Variants in RAPGEF4 observed in about 807,000 individuals in gnomAD.
RAPGEF4 encodes the protein Rap guanine nucleotide exchange factor 4.
In RAPGEF4, 66 loss-of-function variants were observed where a neutral mutation model predicts 147.9. The observed-to-expected ratio is 0.45, with a 90% CI of 0.37 to 0.55. The LOEUF is 0.55. Among genes scored for constraint, RAPGEF4 ranks in the 20% least tolerant of loss-of-function variants. The pLI is 0.00. For missense variants in RAPGEF4, 1,071 were observed against 1,257.3 expected, an observed-to-expected ratio of 0.85 and a Z score of 2.24; for synonymous variants, 419 against 442.7, an observed-to-expected ratio of 0.95 and a Z score of 0.67.
At chr2:172,922,636 G>A (rs1045561456) in intron 6 of RAPGEF4, among the ~76,000 whole-genome samples, 4 of 152,198 alleles carry the variant, frequency 2.6e-5, no homozygotes, top group Admixed American at 2.0e-4. Context: ...TAGAAAACTA[G>A]TTGTTTTTCC....
chr2:172,934,619 G>A (rs1437244203), intron 6 of RAPGEF4, among the ~76,000 whole-genome samples: 1 of 152,050 alleles, frequency 6.6e-6, no homozygotes, highest in East Asian at 1.9e-4. Flanking sequence ...ATTTCAGAAT[G>A]TGGTACTGAG....
intron 4 of RAPGEF4, among the ~76,000 whole-genome samples, chr2:172,886,655 T>C (rs1255547714): frequency 6.6e-6 from 1 of 152,036 alleles, no homozygotes; most frequent in Non-Finnish European, 1.5e-5. Flanking sequence ...CTTTTAGCTC[T>C]TTATCACACA....
chr2:173,043,462 G>T (rs1437435425), intron 29 of RAPGEF4, among the ~76,000 whole-genome samples: 1 of 152,200 alleles, frequency 6.6e-6, no homozygotes, highest in Non-Finnish European at 1.5e-5. Flanking sequence ...GTCTGGGAGC[G>T]GGAGGTCCTA....
At chr2:172,840,336 G>A (rs1198142175) in intron 4 of RAPGEF4, among the ~76,000 whole-genome samples, 1 of 152,202 alleles carries the variant, frequency 6.6e-6, no homozygotes. Flanking sequence ...TCTGGAAGGC[G>A]AAGAAGGAGT....
intron 4 of RAPGEF4, among the ~76,000 whole-genome samples, chr2:172,854,062 A>G (rs1282865932): frequency 3.3e-5 from 5 of 151,996 alleles, no homozygotes; most frequent in Non-Finnish European, 7.4e-5. Context: ...AAGAATGTGC[A>G]TTCTGCAGCT....
At chr2:172,818,874 G>T (rs557305693) in intron 4 of RAPGEF4, among the ~76,000 whole-genome samples, 2 of 152,074 alleles carry the variant, frequency 1.3e-5, no homozygotes, top group Non-Finnish European at 2.9e-5. Flanking sequence ...AGAACCACAC[G>T]TAAGGTTTTG....
intron 29 of RAPGEF4, among the ~76,000 whole-genome samples, chr2:173,044,589 G>T (rs1685210321): frequency 6.6e-6 from 1 of 152,154 alleles, no homozygotes; most frequent in Non-Finnish European, 1.5e-5. Flanking sequence ...TTTCAGTTGG[G>T]CCCATCTCTA....
intron 29 of RAPGEF4, among the ~76,000 whole-genome samples, chr2:173,044,642 A>G (rs930173298): frequency 3.9e-5 from 6 of 152,132 alleles, no homozygotes; most frequent in Admixed American, 3.9e-4. Context: ...TCATTTTTGC[A>G]CATAAGCTCC....
At chr2:172,895,113 G>A (rs1698338676) in intron 4 of RAPGEF4, among the ~76,000 whole-genome samples, 1 of 152,106 alleles carries the variant, frequency 6.6e-6, no homozygotes, top group Non-Finnish European at 1.5e-5. Context: ...TCCTTTGGCA[G>A]CAGCCTGACA....
At chr2:172,896,897 G>C (rs1429350685) in intron 4 of RAPGEF4, among the ~76,000 whole-genome samples, 2 of 152,182 alleles carry the variant, frequency 1.3e-5, no homozygotes, top group Admixed American at 6.5e-5. Flanking sequence ...AACTCTGCAT[G>C]CTATAGGTAC....
intron 1 of RAPGEF4, among the ~76,000 whole-genome samples, chr2:172,743,016 T>G (rs1156620450): frequency 6.6e-6 from 1 of 152,210 alleles, no homozygotes; most frequent in Non-Finnish European, 1.5e-5. Flanking sequence ...GAATTTCCCA[T>G]GAGCTTAGAA....
At chr2:172,996,377 TA>T (rs367826381) in intron 15 of RAPGEF4, 88 bp from the exon 16 acceptor site, 30,448 of 560,798 alleles carry the variant, frequency 0.054, no homozygotes, top group South Asian at 0.07. Context: ...GATCTCAAAT[TA>T]AAAAAAAAAA....
intron 15 of RAPGEF4, among the ~76,000 whole-genome samples, chr2:172,995,245 TTGTGTGTGTGTG>T (rs71018528): frequency 1.8e-3 from 256 of 138,680 alleles, no homozygotes; most frequent in Middle Eastern, 3.5e-3. Flanking sequence ...ACTTGCCTGT[TTGTGTGTGTGTG>T]TGTGTGTGTG....
chr2:172,866,608 G>A (rs1335675018), intron 4 of RAPGEF4, among the ~76,000 whole-genome samples: 1 of 152,020 alleles, frequency 6.6e-6, no homozygotes, highest in Non-Finnish European at 1.5e-5. Flanking sequence ...GCCTCACTTT[G>A]GGAGGCAGGA....
At chr2:172,919,651 A>G (rs1176187932) in intron 5 of RAPGEF4, among the ~76,000 whole-genome samples, 2 of 151,262 alleles carry the variant, frequency 1.3e-5, no homozygotes, top group Non-Finnish European at 2.9e-5. Flanking sequence ...CCAAACCAAC[A>G]CCTCTGTTTG....
chr2:173,035,958 C>G (rs1446936597), intron 27 of RAPGEF4, among the ~76,000 whole-genome samples, 167 bp from the exon 28 acceptor site: 1 of 152,092 alleles, frequency 6.6e-6, no homozygotes, highest in East Asian at 1.9e-4. Flanking sequence ...TCAGGGATGG[C>G]AGAGGCAGAA....
chr2:172,763,878 CT>C (rs200344210), intron 1 of RAPGEF4, among the ~76,000 whole-genome samples: 1 of 151,938 alleles, frequency 6.6e-6, no homozygotes, highest in Non-Finnish European at 1.5e-5. Flanking sequence ...TTCATATTTC[CT>C]TTTTTTGGTA....
intron 1 of RAPGEF4, among the ~76,000 whole-genome samples, chr2:172,763,475 C>T (rs1307985283): frequency 3.3e-5 from 5 of 152,110 alleles, no homozygotes; most frequent in Non-Finnish European, 7.4e-5. Context: ...TGAGAACATA[C>T]ACAGGGGAGA....
At chr2:172,747,346 G>T (rs144576286) in intron 1 of RAPGEF4, among the ~76,000 whole-genome samples, 2 of 152,292 alleles carry the variant, frequency 1.3e-5, no homozygotes, top group African/African-American at 4.8e-5. Flanking sequence ...TAGTATGTGT[G>T]TGTGGTGAGA....
Sources: gnomAD v4.1 joint callset for allele counts (sites outside exome capture counted in the v4.1 genomes callset) on GRCh38, gnomAD v4.1.1 for gene constraint, MANE v1.5 for transcripts, NCBI Gene and HGNC (gene_info 2026-07-23, HGNC 2026-07-21) for gene names.